SOX5: variants seen among roughly 807,000 people sequenced by gnomAD.
SOX5 encodes the protein transcription factor SOX-5.
A neutral mutation model predicts 92.0 loss-of-function variants in SOX5; 9 were observed. That is an observed-to-expected ratio of 0.10 (90% CI 0.06 to 0.17). The LOEUF (loss-of-function observed/expected upper bound fraction) is 0.17. Ranked by LOEUF, SOX5 falls within the 10% of genes least tolerant of loss-of-function variation. SOX5 has a pLI of 1.00. For missense variants in SOX5, 642 were observed against 944.5 expected, an observed-to-expected ratio of 0.68 and a Z score of 4.20; for synonymous variants, 344 against 336.3, an observed-to-expected ratio of 1.02 and a Z score of -0.25.
At chr12:24,477,826 GAAGT>G (rs1400125789) in intron 1 of SOX5, among the ~76,000 whole-genome samples, 2 of 151,898 alleles carry the variant, frequency 1.3e-5, no homozygotes, top group African/African-American at 4.8e-5. Flanking sequence ...TAGTTAGATA[GAAGT>G]ATTAATCATT....
intron 1 of SOX5, among the ~76,000 whole-genome samples, chr12:24,385,038 C>G (rs997287449): frequency 6.6e-6 from 1 of 151,188 alleles, no homozygotes; most frequent in Non-Finnish European, 1.5e-5. Context: ...GAGAGAGAGA[C>G]AGACCACATT....
At chr12:24,525,609 C>G (rs534831367) in intron 1 of SOX5, among the ~76,000 whole-genome samples, 1 of 152,206 alleles carries the variant, frequency 6.6e-6, no homozygotes, top group East Asian at 1.9e-4. Context: ...TGGTGGCTCA[C>G]GCCTGTAATC....
At chr12:23,785,496 A>C (rs1235039465) in intron 3 of SOX5, among the ~76,000 whole-genome samples, 1 of 152,196 alleles carries the variant, frequency 6.6e-6, no homozygotes, top group Non-Finnish European at 1.5e-5. Flanking sequence ...TCAAATAGTA[A>C]ATTTTGATAA....
intron 1 of SOX5, among the ~76,000 whole-genome samples, chr12:24,554,866 C>T (rs920621625): frequency 3.3e-5 from 5 of 152,184 alleles, no homozygotes; most frequent in Non-Finnish European, 2.9e-5. Context: ...AGTCCAATAA[C>T]GTCTTTTCTC....
At chr12:23,641,034 C>A in intron 7 of SOX5, 137 bp from the exon 8 acceptor site, 1 of 565,954 alleles carries the variant, frequency 1.8e-6, no homozygotes. Flanking sequence ...TATTGTGCAG[C>A]CTTTTACTAA....
intron 3 of SOX5, among the ~76,000 whole-genome samples, chr12:24,226,382 T>G (rs1961978269): frequency 6.6e-6 from 1 of 152,182 alleles, no homozygotes; most frequent in Non-Finnish European, 1.5e-5. Flanking sequence ...ATATATACTT[T>G]TGAAGTTTTC....
intron 4 of SOX5, among the ~76,000 whole-genome samples, chr12:24,077,673 C>T (rs537632922): frequency 2.0e-4 from 30 of 151,216 alleles, no homozygotes; most frequent in African/African-American, 6.5e-4. Flanking sequence ...ATCAAAGCTG[C>T]ACACAACTTC....
At chr12:23,888,193 T>C (rs1204980135) in intron 2 of SOX5, among the ~76,000 whole-genome samples, 1 of 152,164 alleles carries the variant, frequency 6.6e-6, no homozygotes, top group African/African-American at 2.4e-5. Flanking sequence ...AAATATTCAT[T>C]GTATATATTT....
chr12:23,674,703 G>A (rs1430822336), intron 6 of SOX5, among the ~76,000 whole-genome samples: 1 of 151,742 alleles, frequency 6.6e-6, no homozygotes, highest in Non-Finnish European at 1.5e-5. Flanking sequence ...ACCAAGGGTC[G>A]CATTTTTACT....
intron 1 of SOX5, among the ~76,000 whole-genome samples, chr12:24,533,760 C>T (rs1951391425): frequency 6.6e-6 from 1 of 152,162 alleles, no homozygotes. Flanking sequence ...ACATTCACCA[C>T]ATACCCCATA....
chr12:24,057,698 C>T (rs1255429088), intron 4 of SOX5, among the ~76,000 whole-genome samples: 2 of 152,094 alleles, frequency 1.3e-5, no homozygotes, highest in Non-Finnish European at 2.9e-5. Flanking sequence ...ATTATAACTC[C>T]ACAACACAGG....
intron 4 of SOX5, among the ~76,000 whole-genome samples, chr12:24,145,314 G>A (rs2088586): frequency 1.3e-5 from 2 of 152,004 alleles, no homozygotes; most frequent in Non-Finnish European, 1.5e-5. Context: ...ACAAATGCAA[G>A]ATGGTAGATT....
intron 6 of SOX5, among the ~76,000 whole-genome samples, chr12:23,695,390 G>A (rs887773213): frequency 6.6e-6 from 1 of 152,122 alleles, no homozygotes; most frequent in Non-Finnish European, 1.5e-5. Flanking sequence ...GCAACCTTAT[G>A]AGGAATATGT....
chr12:23,816,316 TC>T (rs1478481468), intron 3 of SOX5, among the ~76,000 whole-genome samples: 1 of 151,790 alleles, frequency 6.6e-6, no homozygotes, highest in Admixed American at 6.6e-5. Flanking sequence ...TTCAAGCGAT[TC>T]TCCTGCCTCA....
chr12:24,427,780 C>T (rs1487196851), intron 1 of SOX5, among the ~76,000 whole-genome samples: 1 of 152,124 alleles, frequency 6.6e-6, no homozygotes, highest in East Asian at 1.9e-4. Flanking sequence ...AAATCCACGA[C>T]GGTGGAAATA....
intron 2 of SOX5, among the ~76,000 whole-genome samples, chr12:24,281,665 A>G (rs1040740108): frequency 4.6e-5 from 7 of 152,256 alleles, no homozygotes; most frequent in Admixed American, 4.6e-4. Flanking sequence ...ACAATAAACA[A>G]TTTTAAAATT....
chr12:23,748,506 A>G (rs1406164521), intron 4 of SOX5, among the ~76,000 whole-genome samples: 1 of 152,060 alleles, frequency 6.6e-6, no homozygotes, highest in Non-Finnish European at 1.5e-5. Context: ...GCTTGAAATC[A>G]AATCATCAAA....
At chr12:24,204,270 T>G (rs1303346472) in intron 4 of SOX5, among the ~76,000 whole-genome samples, 3 of 151,864 alleles carry the variant, frequency 2.0e-5, no homozygotes, top group African/African-American at 7.2e-5. Context: ...ATAAACAATG[T>G]CATGATGAAT....
intron 1 of SOX5, among the ~76,000 whole-genome samples, chr12:24,422,202 A>G (rs1966028651): frequency 6.6e-6 from 1 of 152,218 alleles, no homozygotes; most frequent in South Asian, 2.1e-4. Context: ...ACATATCATG[A>G]GTAGTGTCTC....
Sources: gnomAD v4.1 joint callset for allele counts (sites outside exome capture counted in the v4.1 genomes callset) on GRCh38, gnomAD v4.1.1 for gene constraint, MANE v1.5 for transcripts, NCBI Gene and HGNC (gene_info 2026-07-23, HGNC 2026-07-21) for gene names.